The following CALHM4 variants were observed in gnomAD, a reference collection of about 807,000 sequenced individuals.
CALHM4 encodes calcium homeostasis modulator family member 4.
CALHM4 carries 16 observed loss-of-function variants against 13.3 expected under a neutral mutation model. The ratio of observed to expected loss-of-function variants is 1.20; its 90% CI spans 0.81 to 1.82. The LOEUF (loss-of-function observed/expected upper bound fraction) is 1.82. Ranked by LOEUF, CALHM4 falls within the 40% of genes most tolerant of loss-of-function variation. The probability of loss-of-function intolerance (pLI) is 0.00; values close to 1 mark genes in which losing one functional copy is unlikely to be tolerated. For missense variants in CALHM4, 344 were observed against 374.9 expected, an observed-to-expected ratio of 0.92 and a Z score of 0.68; for synonymous variants, 127 against 137.1, an observed-to-expected ratio of 0.93 and a Z score of 0.52.
At chr6:116,548,949 C>A (rs1256055641), upstream of CALHM4, among the ~76,000 whole-genome samples, 2 of 152,078 alleles carry the variant, frequency 1.3e-5, no homozygotes, top group African/African-American at 4.8e-5. Context: ...AAGGTGGGGA[C>A]CATCTGTACT....
intron 2 of CALHM4, chr6:116,545,460 A>G (rs1376861238): frequency 6.5e-7 from 1 of 1,540,950 alleles, no homozygotes; most frequent in East Asian, 2.5e-5. Context: ...ATCTCTTTGT[A>G]GAAAGATCTT....
intron 1 of CALHM4, among the ~76,000 whole-genome samples, chr6:116,538,082 A>G (rs1773206597): frequency 6.6e-6 from 1 of 152,168 alleles, no homozygotes; most frequent in Admixed American, 6.5e-5. Context: ...ATAATTTTTA[A>G]AAGTTACCAT....
At chr6:116,550,015 TATATATATATACACACAC>T (rs1773996497), upstream of CALHM4, among the ~76,000 whole-genome samples, 2 of 70,686 alleles carry the variant, frequency 2.8e-5, no homozygotes, top group South Asian at 4.1e-4. Flanking sequence ...TATATATATA[TATATATATATACACACAC>T]ACACACACAC....
chr6:116,537,502 T>C (rs1773173782), intron 1 of CALHM4, among the ~76,000 whole-genome samples: 1 of 152,230 alleles, frequency 6.6e-6, no homozygotes, highest in Non-Finnish European at 1.5e-5. Flanking sequence ...CTTTTCCTGC[T>C]GAGATATGAA....
chr6:116,548,239 G>T (rs1054648564), intron 2 of CALHM4, among the ~76,000 whole-genome samples: 2 of 152,140 alleles, frequency 1.3e-5, no homozygotes, highest in African/African-American at 4.8e-5. Context: ...TAGCAACAAG[G>T]TGCCATCTTG....
Position 116,558,345 on chromosome 6 carries a change from ATAT to A in CALHM4, c.*139_*141del. ...ATTTGTTTACGTAAGTCCATCTCAAATATTATTTCTAAAATCAATCTATTAGAT... is the reference window on the plus strand; with the variant it reads ...ATTTGTTTACGTAAGTCCATCTCAAATATTTCTAAAATCAATCTATTAGAT... On this transcript the variant is annotated 3_prime_UTR_variant, in exon 2 of 2. Transcript: ENST00000368596. 1 of 1,034,916 alleles carries A rather than the reference ATAT, an allele frequency of 9.7e-7. No homozygotes were observed. The highest frequency in any genetic ancestry group is 1.3e-6 in the Non-Finnish European group (1 of 745,336). 64.1% of individuals were successfully genotyped at this position (1,034,916 alleles called of 1,614,324 possible). A position where few individuals can be genotyped will look rare whatever the true frequency, so the allele number is the denominator to read the frequency against.
chr6:116,554,264 G>A lies in CALHM4; in HGVS notation c.471G>A (p.Leu157=), dbSNP rs7762318. The A allele has an allele frequency of 0.61, 952,016 of 1,550,218 alleles. 295,389 individuals are homozygous for A. The highest frequency in any genetic ancestry group is 0.87 in the East Asian group (35,625 of 40,920). ...GTGCCAGCAAACGAGAAGAGATCCT[G>A]GCTGGGTTTCCATGTTGCAGATCAG... ...NVSASKREEI[L]AGFPCCRSAP... Residue 157 remains leucine (L), a synonymous_variant, in exon 1 of 2, where the codon CTG becomes CTA. Coordinates refer to ENST00000368596, the MANE Select transcript of CALHM4 (RefSeq NM_001366078.2).
rs139955328 is a variant in CALHM4, at chr6:116,559,614, C to G, written c.*1403C>G. On this transcript the variant is annotated 3_prime_UTR_variant, in exon 2 of 2. Transcript: ENST00000368596. ...GAGAACTGTCCTGCCCTCACCATTACTCATCTGTCATTTGACCTTGGACAA... is the reference window on the plus strand; with the variant it reads ...GAGAACTGTCCTGCCCTCACCATTAGTCATCTGTCATTTGACCTTGGACAA... Among the ~76,000 whole-genome samples, 632 of 152,272 alleles carry G rather than the reference C, an allele frequency of 4.2e-3. 5 individuals carry two copies. The highest frequency in any genetic ancestry group is 0.014 in the African/African-American group (592 of 41,556).
At chr6:116,542,760 T>C (rs1208754673) in intron 1 of CALHM4, among the ~76,000 whole-genome samples, 1 of 152,078 alleles carries the variant, frequency 6.6e-6, no homozygotes, top group Non-Finnish European at 1.5e-5. Context: ...AAGAAAAGCA[T>C]AGTAATGATT....
upstream of CALHM4, among the ~76,000 whole-genome samples, chr6:116,551,388 C>A (rs1003034508): frequency 6.6e-6 from 1 of 152,118 alleles, no homozygotes; most frequent in African/African-American, 2.4e-5. Context: ...ATTTACATTT[C>A]CTAGAATTTT....
At chr6:116,543,218 G>A (rs71570812) in intron 1 of CALHM4, 11,922 of 972,408 alleles carry the variant, frequency 0.012, 102 homozygotes, top group Admixed American at 0.02. Context: ...GTGAAATGAA[G>A]CAAAGGAAGT....
chr6:116,546,982 C>A (rs965144577), intron 2 of CALHM4, among the ~76,000 whole-genome samples: 2 of 152,082 alleles, frequency 1.3e-5, no homozygotes, highest in Admixed American at 1.3e-4. Flanking sequence ...AATTCAGATA[C>A]AATCTGTGAA....
upstream of CALHM4, among the ~76,000 whole-genome samples, chr6:116,552,033 T>C (rs1392150390): frequency 1.3e-5 from 2 of 152,222 alleles, no homozygotes; most frequent in East Asian, 3.8e-4. Context: ...TATTTTTTGC[T>C]CCTGTGTCTT....
At chr6:116,549,543 T>G (rs1773956733), upstream of CALHM4, among the ~76,000 whole-genome samples, 1 of 152,080 alleles carries the variant, frequency 6.6e-6, no homozygotes, top group South Asian at 2.1e-4. Context: ...CTTTTCTAGC[T>G]GTTTTGAAAT....
chr6:116,544,799 AAATTAC>A, intron 2 of CALHM4, among the ~76,000 whole-genome samples: 1 of 152,092 alleles, frequency 6.6e-6, no homozygotes, highest in Non-Finnish European at 1.5e-5. Flanking sequence ...ACCAAGTCTG[AAATTAC>A]TTAATTATAT....
At chr6:116,537,226 T>C (rs1398189718) in intron 1 of CALHM4, among the ~76,000 whole-genome samples, 1 of 152,348 alleles carries the variant, frequency 6.6e-6, no homozygotes, top group South Asian at 2.1e-4. Flanking sequence ...ATCTTTTTCC[T>C]GTTCACTGAG....
chr6:116,531,922 G>A (rs996554295), intron 1 of CALHM4, among the ~76,000 whole-genome samples: 1 of 150,390 alleles, frequency 6.6e-6, no homozygotes, highest in African/African-American at 2.4e-5. Flanking sequence ...AAACAATAAT[G>A]GAAAAAACAA....
intron 1 of CALHM4, among the ~76,000 whole-genome samples, chr6:116,542,120 A>G (rs1394861862): frequency 6.6e-6 from 1 of 152,184 alleles, no homozygotes; most frequent in African/African-American, 2.4e-5. Flanking sequence ...AATAAAATGA[A>G]GTAATTTCTG....
chr6:116,542,952 A>G (rs1562355731), intron 1 of CALHM4, among the ~76,000 whole-genome samples: 1 of 152,130 alleles, frequency 6.6e-6, no homozygotes, highest in Non-Finnish European at 1.5e-5. Context: ...GTTAGAACAA[A>G]AGACTTCTGA....
Sources: allele counts gnomAD v4.1 joint callset (sites outside exome capture counted in the v4.1 genomes callset), GRCh38; gene constraint gnomAD v4.1.1; transcripts MANE v1.5; gene names NCBI Gene and HGNC (gene_info 2026-07-23, HGNC 2026-07-21).